Variants in USH2A observed in about 807,000 individuals in gnomAD.
USH2A encodes the protein Usher syndrome 2A (autosomal recessive, mild).
In USH2A, 443 loss-of-function variants were observed where a neutral mutation model predicts 538.9. The observed-to-expected ratio is 0.82, with a 90% CI of 0.76 to 0.89. The LOEUF is 0.89. Ranked by LOEUF, USH2A falls within the 40% of genes least tolerant of loss-of-function variation. USH2A has a pLI of 0.00. For synonymous variants in USH2A, 2,413 were observed against 2,273.5 expected, an observed-to-expected ratio of 1.06 and a Z score of -1.75; for missense variants, 6,633 against 6,324.8, an observed-to-expected ratio of 1.05 and a Z score of -1.65.
At chr1:216,069,190 T>A (rs575352580) in intron 30 of USH2A, among the ~76,000 whole-genome samples, 1 of 152,242 alleles carries the variant, frequency 6.6e-6, no homozygotes, top group African/African-American at 2.4e-5. Flanking sequence ...AGCTGTGGGC[T>A]TACTCAGGCT....
At chr1:216,149,769 G>A (rs2033795212) in intron 21 of USH2A, among the ~76,000 whole-genome samples, 2 of 152,056 alleles carry the variant, frequency 1.3e-5, no homozygotes, top group African/African-American at 4.8e-5. Context: ...ATCAGTTCTT[G>A]TTAAGAATCT....
chr1:215,977,099 A>G lies in USH2A; in HGVS notation c.6806-6323T>C, dbSNP rs576251094. Among the ~76,000 whole-genome samples, 104 of 152,146 alleles carry G rather than the reference A, an allele frequency of 6.8e-4. 1 individual carries two copies. The highest frequency in any genetic ancestry group is 5.6e-4 in the Non-Finnish European group (38 of 68,000). On this transcript the variant is annotated intron_variant, in intron 35 of 71. Coordinates refer to ENST00000307340, the MANE Select transcript of USH2A (RefSeq NM_206933.4). ...GACTATTATAAACACCTCTATGTAC[A>G]CAAACTAGAAAATACAGAGAAAATT...
chr1:216,415,819 C>T (rs148269560), intron 3 of USH2A, among the ~76,000 whole-genome samples: 1 of 152,044 alleles, frequency 6.6e-6, no homozygotes, highest in African/African-American at 2.4e-5. Flanking sequence ...AACCACTGCG[C>T]CTGGCCTCCA....
At chr1:215,634,060 C>T (rs1656396972) in intron 70 of USH2A, among the ~76,000 whole-genome samples, 1 of 152,320 alleles carries the variant, frequency 6.6e-6, no homozygotes, top group East Asian at 1.9e-4. Context: ...GTAATACAAC[C>T]TATAATTTCC....
Position 216,323,641 on chromosome 1 carries a change from T to C in USH2A, c.1383A>G (p.Pro461=), listed in dbSNP as rs1179005537. 1 of 1,613,626 alleles carries C rather than the reference T, an allele frequency of 6.2e-7. No individual in the cohort carries two copies. The highest frequency in any genetic ancestry group is 1.1e-5 in the South Asian group (1 of 91,076). The change falls in exon 8 of 72, where the codon CCA becomes CCG. Residue 461 remains proline, a synonymous_variant. Transcript: ENST00000307340. ...NVTFSILTPG[P]NYRPGYNNFY... is the part of the protein sequence containing the mutation. ...AGTTATTGTATCCAGGACGATAATT[T>C]GGTCCAGGTGTCAGGATGCTAAATG...
At chr1:216,338,492 G>A (rs1398839723) in intron 4 of USH2A, among the ~76,000 whole-genome samples, 2 of 151,372 alleles carry the variant, frequency 1.3e-5, no homozygotes, top group Non-Finnish European at 3.0e-5. Flanking sequence ...TATATATCAT[G>A]ATAAAAGAGA....
At chr1:216,097,469 C>T (rs958094123) in intron 21 of USH2A, among the ~76,000 whole-genome samples, 3 of 152,100 alleles carry the variant, frequency 2.0e-5, no homozygotes, top group Non-Finnish European at 4.4e-5. Context: ...CAAAACTCAT[C>T]AACCCAAAAA....
intron 4 of USH2A, among the ~76,000 whole-genome samples, chr1:216,339,752 T>C (rs1193073307): frequency 6.6e-6 from 1 of 151,012 alleles, no homozygotes; most frequent in Admixed American, 6.6e-5. Flanking sequence ...AATAATGAAA[T>C]TAAAGCAGAC....
intron 35 of USH2A, 71 bp downstream of exon 35, chr1:215,992,949 G>T: frequency 1.2e-6 from 2 of 1,602,192 alleles, no homozygotes; most frequent in East Asian, 4.5e-5. Flanking sequence ...CCACATATAA[G>T]CTGCCATTTA....
chr1:215,836,114 A>G (rs1475850047), intron 47 of USH2A, among the ~76,000 whole-genome samples: 1 of 151,980 alleles, frequency 6.6e-6, no homozygotes, highest in Non-Finnish European at 1.5e-5. Context: ...ATGTACTATG[A>G]GGCATATTCT....
chr1:216,420,211 G>A (rs1295489620), intron 2 of USH2A, among the ~76,000 whole-genome samples: 1 of 151,906 alleles, frequency 6.6e-6, no homozygotes, highest in South Asian at 2.1e-4. Context: ...GTGAGAATTC[G>A]ACCATTACTC....
rs778202718 is a variant in USH2A, at chr1:216,200,048, C to A, written c.3390G>T (p.Val1130=). 6.8e-6 allele frequency: 11 copies of A among 1,613,472 alleles called. No homozygotes were observed. The highest frequency in any genetic ancestry group is 8.5e-6 in the Non-Finnish European group (10 of 1,179,942). ...KYSYYIETTN[V]HGSTRSVAVT... is the part of the protein sequence containing the mutation. ...CAGCTACACTCCTTGTTGAACCATGCACATTGGTGGTCTCAATGTAATAGG... is the reference window on the plus strand; with the variant it reads ...CAGCTACACTCCTTGTTGAACCATGAACATTGGTGGTCTCAATGTAATAGG... Residue 1130 remains valine, a synonymous_variant, in exon 17 of 72, where the codon GTG becomes GTT. Transcript: ENST00000307340.
chr1:216,313,027 A>C (rs1424365031), intron 9 of USH2A, among the ~76,000 whole-genome samples: 1 of 152,126 alleles, frequency 6.6e-6, no homozygotes, highest in African/African-American at 2.4e-5. Flanking sequence ...GGTTTTGTGG[A>C]AGACAACTTT....
At chr1:215,910,589 ATTG>A (rs1665756410) in intron 38 of USH2A, among the ~76,000 whole-genome samples, 1 of 151,980 alleles carries the variant, frequency 6.6e-6, no homozygotes, top group African/African-American at 2.4e-5. Flanking sequence ...AGTGTTTGCT[ATTG>A]TTATGATCTT....
intron 3 of USH2A, among the ~76,000 whole-genome samples, chr1:216,406,804 A>G (rs919786731): frequency 4.6e-5 from 7 of 152,096 alleles, no homozygotes; most frequent in Non-Finnish European, 8.8e-5. Flanking sequence ...CCTTTTTATA[A>G]ATTCCCTAAA....
chr1:215,744,070 C>G (rs1410491900), intron 58 of USH2A, among the ~76,000 whole-genome samples: 1 of 152,136 alleles, frequency 6.6e-6, no homozygotes, highest in Non-Finnish European at 1.5e-5. Context: ...GGTTTACTTA[C>G]TTTTAAAGTT....
Position 215,728,178 on chromosome 1 carries a change from G to A in USH2A, c.11918C>T (p.Ala3973Val). 1.9e-6 allele frequency: 3 copies of A among 1,614,130 alleles called. No individual in the cohort carries two copies. The highest frequency in any genetic ancestry group is 2.5e-6 in the Non-Finnish European group (3 of 1,180,036). ...APPQDFPAPW[A>V]QATSAHSVLL... is the part of the protein sequence containing the mutation. ...AACTGAATGAGCACTCGTGGCTTGA[G>A]CCCAAGGAGCTGGAAAATCTTGAGG... The change falls in exon 61 of 72, where the codon GCT becomes GTT. Residue 3973 changes from alanine to valine, a missense_variant. By Grantham distance (64) the Ala-to-Val change is moderately conservative. Coordinates refer to ENST00000307340, the MANE Select transcript of USH2A (RefSeq NM_206933.4).
At chr1:215,696,808 G>A (rs1658825593) in intron 61 of USH2A, among the ~76,000 whole-genome samples, 2 of 152,166 alleles carry the variant, frequency 1.3e-5, no homozygotes, top group South Asian at 4.1e-4. Context: ...AGGATACAGT[G>A]AGCTATGATG....
At chr1:216,149,468 A>T (rs1572001565) in intron 21 of USH2A, among the ~76,000 whole-genome samples, 2 of 152,244 alleles carry the variant, frequency 1.3e-5, no homozygotes, top group East Asian at 3.9e-4. Context: ...TGGTCTTTTA[A>T]AAGGCACACC....
Sources: gnomAD v4.1 joint callset for allele counts (sites outside exome capture counted in the v4.1 genomes callset) on GRCh38, gnomAD v4.1.1 for gene constraint, MANE v1.5 for transcripts, NCBI Gene and HGNC (gene_info 2026-07-23, HGNC 2026-07-21) for gene names.